Variants in VAT1L observed in about 807,000 individuals in gnomAD.
VAT1L encodes the protein putative NADPH-dependent quinone oxidoreductase VAT1L.
Under a neutral mutation model 44.1 loss-of-function variants are expected in VAT1L, and 34 were observed. The observed-to-expected ratio is 0.77, with a 90% CI of 0.59 to 1.03. The LOEUF (loss-of-function observed/expected upper bound fraction) is 1.03, where lower values mean the gene tolerates loss of function less well. Among genes scored for constraint, VAT1L ranks in the 50% least tolerant of loss-of-function variants. The pLI is 0.00. For synonymous variants in VAT1L, 253 were observed against 202.2 expected, an observed-to-expected ratio of 1.25 and a Z score of -2.13; for missense variants, 615 against 538.8, an observed-to-expected ratio of 1.14 and a Z score of -1.40.
chr16:77,871,345 G>A (rs79863195), intron 4 of VAT1L, among the ~76,000 whole-genome samples: 2,789 of 152,168 alleles, frequency 0.018, 78 homozygotes, highest in African/African-American at 0.064. Context: ...TAGAAATGCC[G>A]AGAGAGAGGC....
At chr16:77,950,947 C>T (rs189791670) in intron 7 of VAT1L, among the ~76,000 whole-genome samples, 3 of 152,228 alleles carry the variant, frequency 2.0e-5, no homozygotes, top group East Asian at 1.9e-4. Context: ...ATTCATCCTC[C>T]GGTAAATTAC....
intron 7 of VAT1L, among the ~76,000 whole-genome samples, chr16:77,945,596 T>G (rs980792749): frequency 1.3e-5 from 2 of 151,916 alleles, no homozygotes; most frequent in African/African-American, 4.8e-5. Flanking sequence ...GGCCAGAACT[T>G]TTTTCAATTG....
In VAT1L at chr16:77,879,139, T is replaced by C; in HGVS notation, c.827-30T>C. On this transcript the variant is annotated intron_variant, in intron 5 of 8. Transcript: ENST00000302536. The surrounding 1 kb of genome is among the most constrained non-coding windows in gnomAD (Gnocchi z 4.1). The stretch of plus-strand genomic sequence containing the variant: ...AAGAGATGTCCATTTTCATTAGCAA[T>C]TGCTTAATGTGGGAATCTTTCATTT... The C allele has an allele frequency of 6.2e-7, 1 of 1,612,612 alleles. No homozygotes were observed. The highest frequency in any genetic ancestry group is 2.2e-5 in the East Asian group (1 of 44,868).
In VAT1L at chr16:77,866,284, A is replaced by G. The variant is rs143476707; in HGVS notation, c.722+3394A>G. On this transcript the variant is annotated intron_variant, in intron 4 of 8. Transcript: ENST00000302536. ...TAGTGAAAATTCAGAACAAGCCCCTACAATCAACAGAAGGGAAATAGTTCA... is the reference window on the plus strand; with the variant it reads ...TAGTGAAAATTCAGAACAAGCCCCTGCAATCAACAGAAGGGAAATAGTTCA... Among the ~76,000 whole-genome samples, 5 of 152,362 alleles carry G rather than the reference A, an allele frequency of 3.3e-5. No individual in the cohort carries two copies. In the East Asian group the frequency reaches 9.6e-4, roughly 29 times the overall value.
At chr16:77,832,867 A>AT (rs1555513357) in intron 3 of VAT1L, among the ~76,000 whole-genome samples, 1 of 152,224 alleles carries the variant, frequency 6.6e-6, no homozygotes, top group Non-Finnish European at 1.5e-5. Flanking sequence ...CCACAACAGC[A>AT]TGGAGCAAGT....
Position 77,788,854 on chromosome 16 carries a change from C to T in VAT1L, c.172C>T (p.Leu58Phe), listed in dbSNP as rs1372993737. 2 of 1,578,532 alleles carry T rather than the reference C, an allele frequency of 1.3e-6. No homozygotes were observed. Among genetic ancestry groups the T allele is most frequent in the Non-Finnish European group, 1.7e-6 (2 of 1,163,698 alleles). Reference sequence around the variant, plus strand: ...CTTCGGGGGGCTCAACAAGCTGCGGCTCTTCAGGAAGGCCATGCCCGAGCC... The same window carrying T: ...CTTCGGGGGGCTCAACAAGCTGCGGTTCTTCAGGAAGGCCATGCCCGAGCC... ...AGFGGLNKLR[L>F]FRKAMPEPQD... The change falls in exon 1 of 9, where the codon CTC (leucine) becomes TTC (phenylalanine). Residue 58 changes from leucine to phenylalanine, a missense_variant. By Grantham distance (22) the Leu-to-Phe change is conservative. Transcript: ENST00000302536.
In VAT1L at chr16:77,862,880, G is replaced by C. The variant is rs750118076; in HGVS notation, c.712G>C (p.Glu238Gln). The change falls in exon 4 of 9, where the codon GAA becomes CAA. Residue 238 changes from glutamate to glutamine, a missense_variant. Glu to Gln is a conservative substitution (Grantham distance 29). Transcript: ENST00000302536. ...LFDRNADYVQ[E>Q]VKRISAEGVD... Reference sequence around the variant, plus strand: ...TGACAGAAATGCAGACTACGTGCAAGAAGTTAAAAGGTAAGATGTTTGCTT... The same window carrying C: ...TGACAGAAATGCAGACTACGTGCAACAAGTTAAAAGGTAAGATGTTTGCTT... 2 of 1,613,970 alleles carry C rather than the reference G, an allele frequency of 1.2e-6. No homozygotes were observed. The highest frequency in any genetic ancestry group is 1.7e-6 in the Non-Finnish European group (2 of 1,179,964).
chr16:77,874,458 C>G (rs1205466455), intron 4 of VAT1L, among the ~76,000 whole-genome samples: 1 of 109,748 alleles, frequency 9.1e-6, no homozygotes, highest in African/African-American at 4.3e-5. Context: ...ACCTGCCTCT[C>G]CAGCCCAACC....
intron 7 of VAT1L, among the ~76,000 whole-genome samples, chr16:77,910,600 G>C (rs1416735974): frequency 6.6e-6 from 1 of 151,334 alleles, no homozygotes; most frequent in East Asian, 1.9e-4. Flanking sequence ...CATGAACCCG[G>C]GAGGTGGAGC....
At position 77,815,142 on chromosome 16, in the gene VAT1L, T is replaced by C. The variant is rs78643719; in HGVS notation, c.234-1779T>C. ...CCCCAAGCTCTTAAGGAAGTGGCCATGTTAAATTATTAACATTTCAGTTAA... is the reference window on the plus strand; with the variant it reads ...CCCCAAGCTCTTAAGGAAGTGGCCACGTTAAATTATTAACATTTCAGTTAA... On this transcript the variant is annotated intron_variant, in intron 1 of 8. Transcript: ENST00000302536. Among the ~76,000 whole-genome samples, 375 of 152,310 alleles carry C rather than the reference T, an allele frequency of 2.5e-3. 8 individuals carry two copies. In the East Asian group the frequency reaches 0.064, roughly 26 times the overall value.
chr16:77,927,336 T>G (rs1320362840), intron 7 of VAT1L, among the ~76,000 whole-genome samples: 16 of 101,342 alleles, frequency 1.6e-4, no homozygotes, highest in Non-Finnish European at 3.7e-4. Flanking sequence ...AGACTCCATC[T>G]CAAAAAAAAA....
At chr16:77,973,059 A>T (rs982939855) in intron 8 of VAT1L, among the ~76,000 whole-genome samples, 2 of 151,840 alleles carry the variant, frequency 1.3e-5, no homozygotes, top group Non-Finnish European at 2.9e-5. Flanking sequence ...AGCATGTCAA[A>T]CTCACATCCC....
At chr16:77,810,277 C>G (rs1432094077) in intron 1 of VAT1L, among the ~76,000 whole-genome samples, 5 of 152,148 alleles carry the variant, frequency 3.3e-5, no homozygotes, top group Non-Finnish European at 5.9e-5. Context: ...ATCAGCATTA[C>G]TTAGGAACTT....
intron 1 of VAT1L, among the ~76,000 whole-genome samples, chr16:77,816,346 G>C (rs2016354190): frequency 6.6e-6 from 1 of 152,152 alleles, no homozygotes; most frequent in Non-Finnish European, 1.5e-5. Flanking sequence ...GGAACATAAT[G>C]TAATCTCCTG....
At chr16:77,940,342 T>C (rs80316861) in intron 7 of VAT1L, among the ~76,000 whole-genome samples, 4 of 142,310 alleles carry the variant, frequency 2.8e-5, no homozygotes, top group African/African-American at 1.1e-4. Context: ...ACCACTTGGT[T>C]TTTTTTTTTT....
At chr16:77,859,820 T>A (rs2016897844) in intron 3 of VAT1L, among the ~76,000 whole-genome samples, 1 of 152,130 alleles carries the variant, frequency 6.6e-6, no homozygotes, top group Non-Finnish European at 1.5e-5. Context: ...GTGCAGTCCA[T>A]CCACTGAAGC....
intron 1 of VAT1L, among the ~76,000 whole-genome samples, chr16:77,802,092 G>C (rs2016066952): frequency 6.6e-6 from 1 of 152,136 alleles, no homozygotes; most frequent in Non-Finnish European, 1.5e-5. Flanking sequence ...GAATGGCAAA[G>C]GCAATTTTCA....
intron 1 of VAT1L, among the ~76,000 whole-genome samples, chr16:77,791,504 G>A (rs1270839918): frequency 6.6e-6 from 1 of 152,124 alleles, no homozygotes; most frequent in African/African-American, 2.4e-5. Flanking sequence ...GAACAGAAGA[G>A]CAAATTGAGG....
At chr16:77,954,936 G>C (rs1315783701) in intron 7 of VAT1L, among the ~76,000 whole-genome samples, 1 of 152,104 alleles carries the variant, frequency 6.6e-6, no homozygotes, top group Non-Finnish European at 1.5e-5. Context: ...TCCAAATATA[G>C]GAAACACACG....
Sources: allele counts gnomAD v4.1 joint callset (sites outside exome capture counted in the v4.1 genomes callset), GRCh38; gene constraint gnomAD v4.1.1; non-coding constraint Gnocchi (gnomAD v3.1); transcripts MANE v1.5; gene names NCBI Gene and HGNC (gene_info 2026-07-23, HGNC 2026-07-21).